PPP1R3A: variants seen among roughly 807,000 people sequenced by gnomAD.
PPP1R3A encodes the protein protein phosphatase 1 regulatory subunit 3A, also known as RG1.
In PPP1R3A, 29 loss-of-function variants were observed where a neutral mutation model predicts 41.7. The observed-to-expected ratio is 0.70, with a 90% CI of 0.52 to 0.95. PPP1R3A has a LOEUF of 0.95. PPP1R3A is among the 40% of genes least tolerant of loss of function. PPP1R3A has a pLI of 0.00. For missense variants in PPP1R3A, 1,352 were observed against 1,292.4 expected (o/e 1.05, Z -0.71); for synonymous variants, 485 against 453.4 (o/e 1.07, Z -0.89).
At chr7:113,903,556 G>A (rs969729524) in intron 1 of PPP1R3A, among the ~76,000 whole-genome samples, 5 of 151,670 alleles carry the variant, frequency 3.3e-5, no homozygotes, top group African/African-American at 4.8e-5. Context: ...AGGACCATTC[G>A]TATAACATCA....
rs1450067840 is a variant in PPP1R3A, at chr7:113,900,684, G to A, written c.782+17531C>T. On this transcript the variant is annotated intron_variant, in intron 1 of 3. Coordinates refer to ENST00000284601, the MANE Select transcript of PPP1R3A (RefSeq NM_002711.4). ...ATATTATATATAGCACTTTATATGT[G>A]TATATATAGTGATTTATATATATAC... 4.1e-5 allele frequency among the ~76,000 whole-genome samples: 6 copies of A among 147,562 alleles called. No individual in the cohort carries two copies. In the East Asian group the frequency reaches 1.0e-3, roughly 24 times the overall value.
chr7:113,914,094 G>A (rs980996776), intron 1 of PPP1R3A, among the ~76,000 whole-genome samples: 1 of 152,250 alleles, frequency 6.6e-6, no homozygotes. Flanking sequence ...CAAGAGTCAG[G>A]ACATTAGCTG....
chr7:113,885,603 AC>A (rs1192431292), intron 1 of PPP1R3A, among the ~76,000 whole-genome samples: 2 of 151,916 alleles, frequency 1.3e-5, no homozygotes, highest in African/African-American at 4.8e-5. Context: ...ACCCAAATCA[AC>A]AGAAGAATAG....
In PPP1R3A at chr7:113,878,063, G is replaced by A; in HGVS notation, c.3029C>T (p.Pro1010Leu). The A allele has an allele frequency of 6.2e-7, 1 of 1,613,096 alleles. No homozygotes were observed. The highest frequency in any genetic ancestry group is 8.5e-7 in the Non-Finnish European group (1 of 1,179,578). ...AAGAGGTTTGTTGATTAAAATCATT[G>A]GCCCTAGAGATTTTTCCACACTATA... ...EEYSVEKSLGPMILINKPLEN... is the reference protein window; with the variant it reads ...EEYSVEKSLGLMILINKPLEN... Residue 1010 changes from proline (P) to leucine (L), a missense_variant, in exon 4 of 4, where the codon CCA (proline) becomes CTA (leucine). By Grantham distance (98) the Pro-to-Leu change is moderately conservative (BLOSUM62 -3). Coordinates refer to ENST00000284601, the MANE Select transcript of PPP1R3A (RefSeq NM_002711.4).
rs188598608 is a variant in PPP1R3A, at chr7:113,880,778, C to A, written c.967-653G>T. ...TCTCAATAATTATATGCAAATCTTA[C>A]GTTTTCCCCTTCTTCTCACATAAGG... On this transcript the variant is annotated intron_variant, in intron 3 of 3. Coordinates refer to ENST00000284601, the MANE Select transcript of PPP1R3A (RefSeq NM_002711.4). 4.6e-5 allele frequency among the ~76,000 whole-genome samples: 7 copies of A among 151,454 alleles called. No homozygotes were observed. In the South Asian group the frequency reaches 6.3e-4, roughly 14 times the overall value.
At chr7:113,918,063 A>G in intron 1 of PPP1R3A, 152 bp downstream of exon 1, 1 of 706,002 alleles carries the variant, frequency 1.4e-6, no homozygotes, top group East Asian at 2.8e-5. Flanking sequence ...TTATTTGAAT[A>G]GCTTTGACCT....
intron 1 of PPP1R3A, among the ~76,000 whole-genome samples, chr7:113,907,554 C>T (rs1472838884): frequency 1.3e-5 from 2 of 151,536 alleles, no homozygotes; most frequent in Non-Finnish European, 3.0e-5. Context: ...TTCCCATCAC[C>T]CTGCCTATAT....
At chr7:113,897,867 G>A (rs1345308883) in intron 1 of PPP1R3A, among the ~76,000 whole-genome samples, 2 of 151,790 alleles carry the variant, frequency 1.3e-5, no homozygotes, top group Admixed American at 6.6e-5. Context: ...GATAAAAGGG[G>A]AAAGGCAAAC....
In PPP1R3A at chr7:113,918,245, T is replaced by G. The variant is rs1468002813; in HGVS notation, c.752A>C (p.Gln251Pro). ...VKPWKEVPNR[Q>P]IKGCLKVKSS... is the part of the protein sequence containing the mutation. The stretch of plus-strand genomic sequence containing the variant: ...TTTTACCTTTAAGCAGCCTTTTATT[T>G]GTCTGTTAGGAACTTCTTTCCATGG... Residue 251 changes from glutamine (Q) to proline (P), a missense_variant, in exon 1 of 4, where the codon CAA becomes CCA. Physicochemically the swap from Gln to Pro is moderately conservative, Grantham distance 76 (BLOSUM62 -1). Transcript: ENST00000284601. 1.9e-6 allele frequency: 3 copies of G among 1,603,350 alleles called. No homozygotes were observed. The African/African-American group carries it at 4.0e-5, about 22-fold the overall frequency.
At chr7:113,913,761 A>G (rs997696851) in intron 1 of PPP1R3A, among the ~76,000 whole-genome samples, 16 of 152,102 alleles carry the variant, frequency 1.1e-4, no homozygotes, top group African/African-American at 3.9e-4. Context: ...TGTCAGCTCT[A>G]GGTCACATAT....
rs745958779 is a variant in PPP1R3A, at chr7:113,878,401, A to C, written c.2691T>G (p.Ile897Met). The C allele has an allele frequency of 1.2e-6, 2 of 1,611,824 alleles. No homozygotes were observed. The highest frequency in any genetic ancestry group is 2.2e-5 in the South Asian group (2 of 91,078). Reference protein sequence around the residue: ...ELSKKTDSDAIVHSAFNSDTN... With the variant: ...ELSKKTDSDAMVHSAFNSDTN... Reference sequence around the variant, plus strand: ...TGTCTGAGTTAAAAGCAGAATGCACAATGGCATCCGAGTCTGTTTTCTTTG... The same window carrying C: ...TGTCTGAGTTAAAAGCAGAATGCACCATGGCATCCGAGTCTGTTTTCTTTG... Residue 897 changes from isoleucine (I) to methionine (M), a missense_variant, in exon 4 of 4, where the codon ATT becomes ATG. Ile to Met is a conservative substitution (Grantham distance 10). Coordinates refer to ENST00000284601, the MANE Select transcript of PPP1R3A (RefSeq NM_002711.4).
At chr7:113,903,960 A>G (rs1424871718) in intron 1 of PPP1R3A, among the ~76,000 whole-genome samples, 1 of 151,648 alleles carries the variant, frequency 6.6e-6, no homozygotes, top group Non-Finnish European at 1.5e-5. Flanking sequence ...TGCAGGTCAA[A>G]TTCAATTCCT....
intron 1 of PPP1R3A, among the ~76,000 whole-genome samples, chr7:113,901,916 C>T (rs925788841): frequency 1.1e-4 from 16 of 151,784 alleles, no homozygotes; most frequent in African/African-American, 3.6e-4. Flanking sequence ...CAAATGCCAC[C>T]TTTTGCAAAC....
At chr7:113,887,613 A>G (rs1360673124) in intron 1 of PPP1R3A, among the ~76,000 whole-genome samples, 5 of 152,174 alleles carry the variant, frequency 3.3e-5, no homozygotes, top group Admixed American at 2.0e-4. Flanking sequence ...GAAATCAGGA[A>G]GTTTATCTCA....
At chr7:113,899,453 G>A (rs1276377752) in intron 1 of PPP1R3A, among the ~76,000 whole-genome samples, 3 of 151,736 alleles carry the variant, frequency 2.0e-5, no homozygotes, top group African/African-American at 7.3e-5. Context: ...CTTTGTATCT[G>A]AATGTCCCAC....
Position 113,879,420 on chromosome 7 carries a change from T to A in PPP1R3A, c.1672A>T (p.Ser558Cys), listed in dbSNP as rs986669228. The A allele has an allele frequency of 1.2e-6, 2 of 1,613,484 alleles. No individual in the cohort carries two copies. Among genetic ancestry groups the A allele is most frequent in the Admixed American group, 3.3e-5 (2 of 59,854 alleles). The change falls in exon 4 of 4, where the codon AGT becomes TGT. Residue 558 changes from serine (S) to cysteine (C), a missense_variant. Physicochemically the swap from Ser to Cys is moderately radical, Grantham distance 112. Transcript: ENST00000284601. ...PKISVAGIGA[S>C]NRDLATLLSE... is the part of the protein sequence containing the mutation. ...AGCAGAGTAGCCAGGTCTCTGTTAC[T>A]AGCTCCAATCCCTGCCACACTTATT...
rs533481526 is a variant in PPP1R3A at position 113,912,464 on chromosome 7, G to A, written c.782+5751C>T. On this transcript the variant is annotated intron_variant, in intron 1 of 3. Coordinates refer to ENST00000284601, the MANE Select transcript of PPP1R3A (RefSeq NM_002711.4). ...CACAAACACATATATGTAAATTTTA[G>A]GCAAGGTTACAAAATGAGGTGTCAG... Among the ~76,000 whole-genome samples, 9 of 152,140 alleles carry A rather than the reference G, an allele frequency of 5.9e-5. No homozygotes were observed. In the East Asian group the frequency reaches 1.6e-3, roughly 26 times the overall value.
intron 1 of PPP1R3A, among the ~76,000 whole-genome samples, chr7:113,895,443 T>C (rs1796961466): frequency 6.6e-6 from 1 of 151,984 alleles, no homozygotes; most frequent in African/African-American, 2.4e-5. Flanking sequence ...GTGAATATCT[T>C]ATTTAAATAT....
At position 113,898,795 on chromosome 7, in the gene PPP1R3A, C is replaced by T. The variant is rs181451340; in HGVS notation, c.783-16475G>A. Among the ~76,000 whole-genome samples, 48 of 151,902 alleles carry T rather than the reference C, an allele frequency of 3.2e-4. 2 individuals carry two copies. Among genetic ancestry groups the T allele is most frequent in the Admixed American group, 2.2e-3 (34 of 15,222 alleles). The stretch of plus-strand genomic sequence containing the variant: ...AAGGCTGCCAAAAGAATTTATTGTT[C>T]GTTCCAGCCAACACCTGAAGATAAG... On this transcript the variant is annotated intron_variant, in intron 1 of 3. Coordinates refer to ENST00000284601, the MANE Select transcript of PPP1R3A (RefSeq NM_002711.4).
Sources: gnomAD v4.1 joint callset for allele counts (sites outside exome capture counted in the v4.1 genomes callset) on GRCh38, gnomAD v4.1.1 for gene constraint, MANE v1.5 for transcripts, NCBI Gene and HGNC (gene_info 2026-07-23, HGNC 2026-07-21) for gene names.